FAM222A: variants seen among roughly 807,000 people sequenced by gnomAD.
The protein encoded by FAM222A is protein FAM222A.
A neutral mutation model predicts 25.8 loss-of-function variants in FAM222A; 7 were observed. The ratio of observed to expected loss-of-function variants is 0.27; its 90% CI spans 0.15 to 0.51. FAM222A has a LOEUF of 0.51. FAM222A is among the 20% of genes least tolerant of loss of function. FAM222A has a pLI of 0.97. For synonymous variants in FAM222A, 294 were observed against 298.8 expected, an observed-to-expected ratio of 0.98 and a Z score of 0.17; for missense variants, 573 against 640.5, an observed-to-expected ratio of 0.89 and a Z score of 1.14.
At position 109,735,714 on chromosome 12, in the gene FAM222A, C is replaced by CA. The variant is rs199841960; in HGVS notation, c.-46-8379dup. On this transcript the variant is annotated intron_variant, in intron 1 of 2. Transcript: ENST00000538780. Reference sequence around the variant, plus strand: ...TCCAGAGAGATTCTATGACCACTTCCAAAAAAAACTGGGCGGGGGGCTTTC... The same window carrying CA: ...TCCAGAGAGATTCTATGACCACTTCCAAAAAAAAACTGGGCGGGGGGCTTTC... The CA allele has an allele frequency of 1.6e-4, 24 of 152,086 alleles. No homozygotes were observed. The East Asian group carries it at 3.9e-3, about 25-fold the overall frequency. 9.4% of individuals were successfully genotyped at this position (152,086 alleles called of 1,614,324 possible). A position where few individuals can be genotyped will look rare whatever the true frequency, so the allele number is the denominator to read the frequency against.
chr12:109,750,883 AT>A (rs35436180), intron 2 of FAM222A, among the ~76,000 whole-genome samples: 120,892 of 151,784 alleles, frequency 0.8, 48,344 homozygotes, highest in Middle Eastern at 0.83. Flanking sequence ...CTGAGGACTG[AT>A]TTTTTTCCCC....
In FAM222A at chr12:109,730,406, C is replaced by CG. The variant is rs56107932; in HGVS notation, c.-46-13684dup. Among the ~76,000 whole-genome samples, 384 of 119,954 alleles carry CG rather than the reference C, an allele frequency of 3.2e-3. 3 individuals are homozygous for CG. The highest frequency in any genetic ancestry group is 7.3e-3 in the African/African-American group (233 of 31,788). 78.7% of individuals were successfully genotyped at this position (119,954 alleles called of 152,430 possible). A position where few individuals can be genotyped will look rare whatever the true frequency, so the allele number is the denominator to read the frequency against. ...CTACTTCTGGCACCTGCCTGGGGGG[C>CG]GGGGGGGGGGGTTCCTCCAGCCCAC... On this transcript the variant is annotated intron_variant, in intron 1 of 2. Coordinates refer to ENST00000538780, the MANE Select transcript of FAM222A (RefSeq NM_032829.3).
At chr12:109,759,440 CCCT>C (rs1255049032) in intron 2 of FAM222A, among the ~76,000 whole-genome samples, 2 of 152,164 alleles carry the variant, frequency 1.3e-5, no homozygotes. Context: ...CTGCCCTGCC[CCCT>C]CCTCAGCTTC....
chr12:109,727,724 T>A (rs1306919070), intron 1 of FAM222A, among the ~76,000 whole-genome samples: 1 of 152,130 alleles, frequency 6.6e-6, no homozygotes, highest in East Asian at 1.9e-4. Context: ...CTTTGTGTCA[T>A]GCCCTGGGGT....
chr12:109,769,369 A>AG lies in FAM222A; in HGVS notation c.*85dup. 6.9e-7 allele frequency: 1 copy of AG among 1,453,916 alleles called. No individual in the cohort carries two copies. The highest frequency in any genetic ancestry group is 9.2e-7 in the Non-Finnish European group (1 of 1,090,500). The allele number at this position is 1,453,916 out of a possible 1,614,324, so 90.1% of individuals were successfully genotyped here. On this transcript the variant is annotated 3_prime_UTR_variant, in exon 3 of 3. Coordinates refer to ENST00000538780, the MANE Select transcript of FAM222A (RefSeq NM_032829.3). ...CCGCAGAACAGGGTGGGCGGCTCGC[A>AG]GGGGCGCTCAGCCCCACCCTGTGCC...
At chr12:109,764,703 A>G (rs1888993402) in intron 2 of FAM222A, among the ~76,000 whole-genome samples, 1 of 152,110 alleles carries the variant, frequency 6.6e-6, no homozygotes, top group Admixed American at 6.5e-5. Flanking sequence ...AGTTTTGTTC[A>G]TCTGTAAAAT....
rs1375305785 is a variant in FAM222A, at chr12:109,714,072, G to T, written c.-872G>T. On this transcript the variant is annotated 5_prime_UTR_variant, in exon 1 of 3. Transcript: ENST00000538780. The surrounding 1 kb of genome is among the most constrained non-coding windows in gnomAD (Gnocchi z 4.2). ...GAGCCCAGCGCGCGCGGCCCCTGCT[G>T]CGGCTTGCGAGCTCGCACACCCGGT... is the stretch of plus-strand genomic sequence containing the variant. Among the ~76,000 whole-genome samples the T allele has an allele frequency of 2.0e-5, 3 of 150,672 alleles. No homozygotes were observed. Among genetic ancestry groups the T allele is most frequent in the Non-Finnish European group, 4.5e-5 (3 of 67,394 alleles).
At chr12:109,767,862 CT>C in intron 2 of FAM222A, 149 bp from the exon 3 acceptor site, 12 of 803,842 alleles carry the variant, frequency 1.5e-5, no homozygotes, top group Non-Finnish European at 2.1e-5. Flanking sequence ...GTTCCCTGCA[CT>C]TTACACTGAA....
At chr12:109,742,332 C>T (rs749948783) in intron 1 of FAM222A, among the ~76,000 whole-genome samples, 2 of 152,230 alleles carry the variant, frequency 1.3e-5, no homozygotes, top group African/African-American at 2.4e-5. Context: ...GGCCTGCTCC[C>T]GCCACCTGCT....
At chr12:109,752,805 G>A (rs777975142) in intron 2 of FAM222A, among the ~76,000 whole-genome samples, 1 of 152,170 alleles carries the variant, frequency 6.6e-6, no homozygotes, top group Non-Finnish European at 1.5e-5. Context: ...GATGAGGTCT[G>A]GCTGTATGCT....
At chr12:109,753,681 A>C (rs911254912) in intron 2 of FAM222A, among the ~76,000 whole-genome samples, 7 of 152,098 alleles carry the variant, frequency 4.6e-5, no homozygotes, top group Non-Finnish European at 7.4e-5. Flanking sequence ...ATCAGGGAGC[A>C]GCTCTTCCCC....
At chr12:109,748,493 G>C (rs1888470476) in intron 2 of FAM222A, among the ~76,000 whole-genome samples, 1 of 152,040 alleles carries the variant, frequency 6.6e-6, no homozygotes, top group Non-Finnish European at 1.5e-5. Flanking sequence ...CCATGAAACT[G>C]TTTGGGCTAG....
chr12:109,730,538 C>G (rs1370385028), intron 1 of FAM222A, among the ~76,000 whole-genome samples: 4 of 152,206 alleles, frequency 2.6e-5, no homozygotes, highest in African/African-American at 9.6e-5. Flanking sequence ...GACACTCAGA[C>G]AAGAAGCTCA....
chr12:109,761,898 C>G (rs961230208), intron 2 of FAM222A, among the ~76,000 whole-genome samples: 1 of 152,144 alleles, frequency 6.6e-6, no homozygotes, highest in Non-Finnish European at 1.5e-5. Context: ...GCCCTGAAGC[C>G]TGCCGGTTTG....
chr12:109,769,390 G>A lies in FAM222A; in HGVS notation c.*102G>A. The A allele has an allele frequency of 7.2e-7, 1 of 1,381,098 alleles. No individual in the cohort carries two copies. The highest frequency in any genetic ancestry group is 9.6e-7 in the Non-Finnish European group (1 of 1,039,128). The allele number at this position is 1,381,098 out of a possible 1,614,324, so 85.6% of individuals were successfully genotyped here. A position where few individuals can be genotyped will look rare whatever the true frequency, so the allele number is the denominator to read the frequency against. On this transcript the variant is annotated 3_prime_UTR_variant, in exon 3 of 3. Coordinates refer to ENST00000538780, the MANE Select transcript of FAM222A (RefSeq NM_032829.3). ...TCGCAGGGGCGCTCAGCCCCACCCT[G>A]TGCCTGCTGATGCCCACAGGGGAGC...
chr12:109,758,462 G>A (rs1888796523), intron 2 of FAM222A, among the ~76,000 whole-genome samples: 1 of 152,158 alleles, frequency 6.6e-6, no homozygotes, highest in Admixed American at 6.5e-5. Context: ...TGGTCACTGG[G>A]ATGTGTGGAT....
intron 1 of FAM222A, among the ~76,000 whole-genome samples, chr12:109,726,203 T>A (rs1355900913): frequency 6.6e-6 from 1 of 151,244 alleles, no homozygotes; most frequent in African/African-American, 2.4e-5. Context: ...TTCAAATCCC[T>A]GTTCCCTCTC....
At chr12:109,762,619 A>G (rs1304409077) in intron 2 of FAM222A, among the ~76,000 whole-genome samples, 1 of 152,186 alleles carries the variant, frequency 6.6e-6, no homozygotes, top group Non-Finnish European at 1.5e-5. Flanking sequence ...GGACTGTGCA[A>G]TTGCACTAAA....
At position 109,744,231 on chromosome 12, in the gene FAM222A, G is replaced by A; in HGVS notation, c.82+3G>A. 6.2e-7 allele frequency: 1 copy of A among 1,612,150 alleles called. No individual in the cohort carries two copies. Among genetic ancestry groups the A allele is most frequent in the East Asian group, 2.2e-5 (1 of 44,848 alleles). On this transcript the variant is annotated splice_donor_region_variant and intron_variant, in intron 2 of 2. Transcript: ENST00000538780. ...CAAGAGCCTGGAGCTGCGCAAGTGT[G>A]AGTAGGACGCCTCCCCAGCCTTTGC...
Sources: allele counts gnomAD v4.1 joint callset (sites outside exome capture counted in the v4.1 genomes callset), GRCh38; gene constraint gnomAD v4.1.1; non-coding constraint Gnocchi (gnomAD v3.1); transcripts MANE v1.5; gene names NCBI Gene and HGNC (gene_info 2026-07-23, HGNC 2026-07-21).